CSMD1: variants seen among roughly 807,000 people sequenced by gnomAD.
CSMD1 encodes CUB and Sushi multiple domains 1, also known as CUB and sushi domain-containing protein 1.
In CSMD1, 213 loss-of-function variants were observed where a neutral mutation model predicts 417.5. That is an observed-to-expected ratio of 0.51 (90% confidence interval 0.46 to 0.57). The LOEUF (loss-of-function observed/expected upper bound fraction) is 0.57. Among genes scored for constraint, CSMD1 ranks in the 20% least tolerant of loss-of-function variants. The pLI is 0.00. For missense variants in CSMD1, 6,923 were observed against 4,529.7 expected (o/e 1.53, Z -15.17); for synonymous variants, 2,862 against 1,736.8 (o/e 1.65, Z -16.11).
chr8:3,910,965 C>T (rs1307690302), intron 5 of CSMD1, among the ~76,000 whole-genome samples: 6 of 152,188 alleles, frequency 3.9e-5, no homozygotes, highest in Non-Finnish European at 7.3e-5. Context: ...CTTTCTTGGG[C>T]ATATTTCTGT....
intron 26 of CSMD1, among the ~76,000 whole-genome samples, chr8:3,276,629 G>A (rs548553262): frequency 6.6e-6 from 1 of 152,118 alleles, no homozygotes; most frequent in East Asian, 1.9e-4. Flanking sequence ...GATAAGTTTT[G>A]GGTGGGGACA....
intron 1 of CSMD1, among the ~76,000 whole-genome samples, chr8:4,668,554 A>G (rs1805097315): frequency 6.6e-6 from 1 of 151,434 alleles, no homozygotes; most frequent in Admixed American, 6.6e-5. Context: ...GGTTCACGCC[A>G]TTCTCCTGCC....
At chr8:4,610,982 T>G (rs1465776651) in intron 2 of CSMD1, among the ~76,000 whole-genome samples, 1 of 152,238 alleles carries the variant, frequency 6.6e-6, no homozygotes, top group East Asian at 1.9e-4. Flanking sequence ...TCTGCATCCT[T>G]TCCTTGGAAA....
chr8:4,796,752 G>C (rs1419850725), intron 1 of CSMD1, among the ~76,000 whole-genome samples: 1 of 152,128 alleles, frequency 6.6e-6, no homozygotes, highest in East Asian at 1.9e-4. Flanking sequence ...TATTTCAGTG[G>C]AGCCGAATTC....
Position 4,658,161 on chromosome 8 carries a change from A to C in CSMD1, c.86-20603T>G, listed in dbSNP as rs150138629. 7.2e-5 allele frequency among the ~76,000 whole-genome samples: 11 copies of C among 152,078 alleles called. No homozygotes were observed. In the East Asian group the frequency reaches 2.1e-3, roughly 29 times the overall value. ...ATAAAAAATCCAAAAGGGAAGGAGA[A>C]AGAGAAAGCAGCAGAAATAATGTTT... On this transcript the variant is annotated intron_variant, in intron 1 of 69. Coordinates refer to ENST00000635120, the MANE Select transcript of CSMD1 (RefSeq NM_033225.6).
rs189524993 is a variant in CSMD1 at position 2,977,541 on chromosome 8, G to C, written c.8566+1071C>G. ...GGTTGATTCCATGTGTGGTTATTGT[G>C]AATAGTGCTGCAGTGAACATACACA... On this transcript the variant is annotated intron_variant, in intron 55 of 69. Coordinates refer to ENST00000635120, the MANE Select transcript of CSMD1 (RefSeq NM_033225.6). Among the ~76,000 whole-genome samples the C allele has an allele frequency of 5.7e-4, 87 of 152,212 alleles. No homozygotes were observed. In the East Asian group the frequency reaches 0.014, roughly 25 times the overall value.
At chr8:3,763,209 T>C (rs1287215693) in intron 5 of CSMD1, among the ~76,000 whole-genome samples, 2 of 152,130 alleles carry the variant, frequency 1.3e-5, no homozygotes, top group African/African-American at 4.8e-5. Flanking sequence ...AAAGTAGAAA[T>C]GACTATATGA....
At chr8:3,140,525 C>T (rs1020133155) in intron 41 of CSMD1, among the ~76,000 whole-genome samples, 3 of 152,132 alleles carry the variant, frequency 2.0e-5, no homozygotes, top group Non-Finnish European at 1.5e-5. Context: ...AGTTTCCTCT[C>T]TTTTTTGCTC....
intron 3 of CSMD1, among the ~76,000 whole-genome samples, chr8:4,229,728 T>A (rs1293168639): frequency 6.6e-6 from 1 of 152,036 alleles, no homozygotes; most frequent in Non-Finnish European, 1.5e-5. Context: ...ACCCACCCCA[T>A]CCTCTGCCGT....
intron 10 of CSMD1, among the ~76,000 whole-genome samples, chr8:3,524,314 T>C (rs1797659782): frequency 6.9e-6 from 1 of 144,170 alleles, no homozygotes; most frequent in African/African-American, 2.6e-5. Flanking sequence ...CAGAGACATA[T>C]GCACACATAA....
chr8:3,485,365 A>G (rs931712353), intron 11 of CSMD1, among the ~76,000 whole-genome samples: 2 of 152,104 alleles, frequency 1.3e-5, no homozygotes, highest in African/African-American at 2.4e-5. Flanking sequence ...AGTGCAGATA[A>G]TGTTTGGCAG....
rs565021520 is a variant in CSMD1, at chr8:3,227,344, G to A, written c.4345+2696C>T. On this transcript the variant is annotated intron_variant, in intron 27 of 69. Coordinates refer to ENST00000635120, the MANE Select transcript of CSMD1 (RefSeq NM_033225.6). ...GGAACACGGAAGGAGGTTGCAGTGA[G>A]TCGAAATCATGCCCCTGCACTCCAG... 9.5e-4 allele frequency among the ~76,000 whole-genome samples: 144 copies of A among 152,120 alleles called. 1 individual carries two copies. The highest frequency in any genetic ancestry group is 1.7e-3 in the Non-Finnish European group (119 of 68,004).
intron 3 of CSMD1, among the ~76,000 whole-genome samples, chr8:4,088,080 G>C (rs544439528): frequency 2.6e-5 from 4 of 152,290 alleles, no homozygotes; most frequent in South Asian, 2.1e-4. Context: ...ACAATGACTA[G>C]AGGAAACCAC....
intron 3 of CSMD1, among the ~76,000 whole-genome samples, chr8:4,131,356 CG>C (rs1427448038): frequency 6.6e-6 from 1 of 152,118 alleles, no homozygotes; most frequent in Admixed American, 6.5e-5. Flanking sequence ...GACACCTACA[CG>C]CTCCTCAAAA....
At chr8:3,111,367 T>TA (rs34590192) in intron 42 of CSMD1, among the ~76,000 whole-genome samples, 69,607 of 152,032 alleles carry the variant, frequency 0.46, 18,108 homozygotes, top group South Asian at 0.65. Context: ...GAAGGGACTG[T>TA]ATGTAGAGAC....
intron 5 of CSMD1, among the ~76,000 whole-genome samples, chr8:3,906,136 C>G (rs539006701): frequency 6.6e-6 from 1 of 152,294 alleles, no homozygotes; most frequent in Non-Finnish European, 1.5e-5. Context: ...TTCCACCCCA[C>G]AGTGTACCAG....
intron 37 of CSMD1, among the ~76,000 whole-genome samples, chr8:3,179,079 C>T (rs1195637646): frequency 1.3e-5 from 2 of 151,134 alleles, no homozygotes; most frequent in Middle Eastern, 3.2e-3. Flanking sequence ...TCCTGAGCAG[C>T]TGGGACTACA....
At chr8:2,997,603 G>C (rs575110519) in intron 54 of CSMD1, among the ~76,000 whole-genome samples, 1 of 152,306 alleles carries the variant, frequency 6.6e-6, no homozygotes, top group South Asian at 2.1e-4. Context: ...AGAGGTCTCT[G>C]TGACTACGTT....
At chr8:4,021,215 T>C (rs967801788) in intron 4 of CSMD1, among the ~76,000 whole-genome samples, 4 of 152,230 alleles carry the variant, frequency 2.6e-5, no homozygotes, top group African/African-American at 9.6e-5. Flanking sequence ...ACATCAGATT[T>C]TGAAACTAGC....
Sources: allele counts gnomAD v4.1 joint callset (sites outside exome capture counted in the v4.1 genomes callset), GRCh38; gene constraint gnomAD v4.1.1; transcripts MANE v1.5; gene names NCBI Gene and HGNC (gene_info 2026-07-23, HGNC 2026-07-21).